MACROD2: variants seen among roughly 807,000 people sequenced by gnomAD.
MACROD2 encodes the protein ADP-ribose glycohydrolase MACROD2.
A neutral mutation model predicts 70.4 loss-of-function variants in MACROD2; 36 were observed. That is an observed-to-expected ratio of 0.51 (90% CI 0.39 to 0.68). The LOEUF is 0.68. Among genes scored for constraint, MACROD2 ranks in the 30% least tolerant of loss-of-function variants. The pLI, the probability that MACROD2 is intolerant of heterozygous loss-of-function variation, is 0.00. For synonymous variants in MACROD2, 172 were observed against 178.8 expected, an observed-to-expected ratio of 0.96 and a Z score of 0.30; for missense variants, 496 against 538.4, an observed-to-expected ratio of 0.92 and a Z score of 0.78.
chr20:14,289,627 G>C (rs190013334), intron 3 of MACROD2, among the ~76,000 whole-genome samples: 1 of 152,170 alleles, frequency 6.6e-6, no homozygotes, highest in African/African-American at 2.4e-5. Flanking sequence ...CTGCAGCCTT[G>C]TTCTCCTGGG....
At chr20:14,206,670 TAA>T (rs11470165) in intron 3 of MACROD2, among the ~76,000 whole-genome samples, 2,047 of 151,732 alleles carry the variant, frequency 0.013, 26 homozygotes, top group Non-Finnish European at 0.021. Flanking sequence ...TTTTTTTTTT[TAA>T]GTCAGTTACT....
chr20:15,880,743 CAGAG>C (rs2064743112), intron 9 of MACROD2, among the ~76,000 whole-genome samples: 1 of 151,996 alleles, frequency 6.6e-6, no homozygotes, highest in Non-Finnish European at 1.5e-5. Flanking sequence ...ATTCAGCAAG[CAGAG>C]AGAGCCCTCA....
chr20:15,285,605 C>T (rs138689071), intron 6 of MACROD2, among the ~76,000 whole-genome samples: 17 of 152,250 alleles, frequency 1.1e-4, no homozygotes, highest in African/African-American at 3.6e-4. Context: ...ATTCTAACTA[C>T]GCTGTTGCCA....
At chr20:14,565,509 C>T (rs1979739910) in intron 4 of MACROD2, among the ~76,000 whole-genome samples, 1 of 149,962 alleles carries the variant, frequency 6.7e-6, no homozygotes, top group Non-Finnish European at 1.5e-5. Context: ...TAATGTAAAC[C>T]TTTGGGATTG....
chr20:14,925,405 G>A (rs1260098626), intron 5 of MACROD2, among the ~76,000 whole-genome samples: 3 of 152,142 alleles, frequency 2.0e-5, no homozygotes, highest in Admixed American at 6.6e-5. Flanking sequence ...CCAATCACCA[G>A]GGTGCTATTT....
intron 5 of MACROD2, among the ~76,000 whole-genome samples, chr20:15,191,931 T>TATATAGAGAGAGAGAG (rs150210305): frequency 4.9e-5 from 7 of 142,290 alleles, no homozygotes; most frequent in African/African-American, 7.9e-5. Flanking sequence ...TATATATATA[T>TATATAGAGAGAGAGAG]AGAGAGAGAG....
intron 5 of MACROD2, among the ~76,000 whole-genome samples, chr20:15,202,982 A>G (rs1156837010): frequency 6.6e-6 from 1 of 152,188 alleles, no homozygotes; most frequent in Non-Finnish European, 1.5e-5. Flanking sequence ...TTAGCTAAAT[A>G]TTAAGTTTCT....
intron 5 of MACROD2, among the ~76,000 whole-genome samples, chr20:15,132,864 A>G (rs1257925835): frequency 6.6e-6 from 1 of 152,090 alleles, no homozygotes; most frequent in Non-Finnish European, 1.5e-5. Context: ...GGTACTGGAG[A>G]AGAGCAAAAT....
intron 5 of MACROD2, among the ~76,000 whole-genome samples, chr20:14,786,474 CA>C (rs1373514450): frequency 6.6e-6 from 1 of 151,614 alleles, no homozygotes; most frequent in African/African-American, 2.4e-5. Flanking sequence ...TTCTGCTGGC[CA>C]AAGTTGTCTC....
intron 5 of MACROD2, among the ~76,000 whole-genome samples, chr20:14,978,338 A>G (rs1422209567): frequency 1.3e-5 from 2 of 151,946 alleles, no homozygotes; most frequent in East Asian, 3.9e-4. Context: ...GGCCACAAGT[A>G]TCCCTAACAT....
At chr20:15,037,633 CTCTT>C (rs143091700) in intron 5 of MACROD2, among the ~76,000 whole-genome samples, 2,777 of 152,112 alleles carry the variant, frequency 0.018, 91 homozygotes, top group African/African-American at 0.063. Context: ...TACTTTCTCT[CTCTT>C]TAACACTACC....
chr20:14,604,848 A>G (rs982117832), intron 4 of MACROD2, among the ~76,000 whole-genome samples: 6 of 152,156 alleles, frequency 3.9e-5, no homozygotes, highest in African/African-American at 1.4e-4. Flanking sequence ...CTCATACTTC[A>G]TATTCACATG....
intron 3 of MACROD2, among the ~76,000 whole-genome samples, chr20:14,264,438 T>G (rs1043738840): frequency 1.3e-5 from 2 of 152,136 alleles, no homozygotes; most frequent in African/African-American, 4.8e-5. Context: ...ACTAGGTAAT[T>G]GAGAGCTATT....
chr20:14,340,457 G>A (rs966567685), intron 3 of MACROD2, among the ~76,000 whole-genome samples: 1 of 152,124 alleles, frequency 6.6e-6, no homozygotes, highest in Non-Finnish European at 1.5e-5. Flanking sequence ...AATGGGAGAA[G>A]AATACACAAA....
At chr20:14,735,353 T>C (rs990715833) in intron 5 of MACROD2, among the ~76,000 whole-genome samples, 1 of 152,082 alleles carries the variant, frequency 6.6e-6, no homozygotes, top group Non-Finnish European at 1.5e-5. Flanking sequence ...AAAGAAGGTA[T>C]ACGAATGGCC....
At chr20:15,384,639 G>T (rs534518020) in intron 6 of MACROD2, among the ~76,000 whole-genome samples, 1 of 152,134 alleles carries the variant, frequency 6.6e-6, no homozygotes, top group South Asian at 2.1e-4. Flanking sequence ...TATATGCCGG[G>T]TGTTATATTA....
At chr20:15,089,249 ATC>A (rs1489906317) in intron 5 of MACROD2, among the ~76,000 whole-genome samples, 6 of 152,204 alleles carry the variant, frequency 3.9e-5, no homozygotes, top group African/African-American at 1.4e-4. Flanking sequence ...CAGCTGTATT[ATC>A]TCTTATAGCT....
intron 7 of MACROD2, among the ~76,000 whole-genome samples, chr20:15,456,342 G>A (rs1306154051): frequency 1.3e-5 from 2 of 152,122 alleles, no homozygotes; most frequent in East Asian, 1.9e-4. Flanking sequence ...TCTCTTCCAC[G>A]CAAGCAGTTT....
At chr20:15,730,238 C>T (rs1423616410) in intron 8 of MACROD2, among the ~76,000 whole-genome samples, 3 of 152,166 alleles carry the variant, frequency 2.0e-5, no homozygotes, top group African/African-American at 7.2e-5. Context: ...ATCCTGACAT[C>T]ATGTTGTTAG....
Sources: gnomAD v4.1 joint callset for allele counts (sites outside exome capture counted in the v4.1 genomes callset) on GRCh38, gnomAD v4.1.1 for gene constraint, MANE v1.5 for transcripts, NCBI Gene and HGNC (gene_info 2026-07-23, HGNC 2026-07-21) for gene names.